Variants in TMEM132C observed in about 807,000 individuals in gnomAD.
The protein encoded by TMEM132C is transmembrane protein 132C, also known as protein phosphatase 1, regulatory subunit 152.
Under a neutral mutation model 61.4 loss-of-function variants are expected in TMEM132C, and 29 were observed. That is an observed-to-expected ratio of 0.47 (90% CI 0.35 to 0.64). The LOEUF (loss-of-function observed/expected upper bound fraction) is 0.64, where lower values mean the gene tolerates loss of function less well. Among genes scored for constraint, TMEM132C ranks in the 30% least tolerant of loss-of-function variants. The probability of loss-of-function intolerance (pLI) is 0.00; values close to 1 mark genes in which losing one functional copy is unlikely to be tolerated. For synonymous variants in TMEM132C, 656 were observed against 633.1 expected, an observed-to-expected ratio of 1.04 and a Z score of -0.54; for missense variants, 1,408 against 1,476.9, an observed-to-expected ratio of 0.95 and a Z score of 0.76.
intron 2 of TMEM132C, among the ~76,000 whole-genome samples, chr12:128,486,633 G>T (rs1385268252): frequency 1.3e-5 from 2 of 151,980 alleles, no homozygotes; most frequent in Non-Finnish European, 2.9e-5. Flanking sequence ...TTTTTCACTT[G>T]CCTTTTTATA....
At chr12:128,455,148 A>G (rs1870299422) in intron 2 of TMEM132C, among the ~76,000 whole-genome samples, 1 of 152,150 alleles carries the variant, frequency 6.6e-6, no homozygotes, top group Non-Finnish European at 1.5e-5. Flanking sequence ...AAAAATCTGA[A>G]TTTTTGGTAC....
chr12:128,372,398 G>A (rs1296802881), intron 1 of TMEM132C, among the ~76,000 whole-genome samples: 1 of 152,122 alleles, frequency 6.6e-6, no homozygotes, highest in Non-Finnish European at 1.5e-5. Context: ...ACCCTAGAGT[G>A]ACATGGACAG....
chr12:128,610,671 C>A (rs569521645), intron 3 of TMEM132C, among the ~76,000 whole-genome samples: 2 of 152,188 alleles, frequency 1.3e-5, no homozygotes, highest in African/African-American at 4.8e-5. Context: ...TTGGTCCCTT[C>A]AAGGCAAAGC....
intron 1 of TMEM132C, among the ~76,000 whole-genome samples, chr12:128,358,445 CA>C (rs2135969381): frequency 6.6e-6 from 1 of 151,126 alleles, no homozygotes; most frequent in East Asian, 2.0e-4. Context: ...ATAGCAGTAG[CA>C]AATACTATGA....
At chr12:128,304,617 G>T (rs1176718822) in intron 1 of TMEM132C, among the ~76,000 whole-genome samples, 1 of 100,362 alleles carries the variant, frequency 1.0e-5, no homozygotes, top group Non-Finnish European at 2.4e-5. Context: ...TCAAAAAAAA[G>T]AAAGAAAGAA....
intron 4 of TMEM132C, among the ~76,000 whole-genome samples, chr12:128,652,914 T>G (rs1290904263): frequency 6.6e-6 from 1 of 152,218 alleles, no homozygotes; most frequent in African/African-American, 2.4e-5. Flanking sequence ...CCTGTCATAA[T>G]GCACTCCTAG....
intron 1 of TMEM132C, among the ~76,000 whole-genome samples, chr12:128,330,696 C>T (rs1261740252): frequency 6.6e-6 from 1 of 152,170 alleles, no homozygotes; most frequent in African/African-American, 2.4e-5. Flanking sequence ...AAATCATCTT[C>T]TGGAATGCCT....
At chr12:128,298,664 C>A (rs1375671558) in intron 1 of TMEM132C, among the ~76,000 whole-genome samples, 1 of 152,212 alleles carries the variant, frequency 6.6e-6, no homozygotes, top group Non-Finnish European at 1.5e-5. Flanking sequence ...CTCCTGCTAC[C>A]TCTGTATCCT....
intron 2 of TMEM132C, among the ~76,000 whole-genome samples, chr12:128,467,016 G>C (rs1870758128): frequency 6.6e-6 from 1 of 152,162 alleles, no homozygotes; most frequent in Admixed American, 6.5e-5. Flanking sequence ...ACATGATAAG[G>C]AAGAGGGGCT....
intron 4 of TMEM132C, among the ~76,000 whole-genome samples, chr12:128,619,571 G>T (rs1369699428): frequency 6.6e-6 from 1 of 152,208 alleles, no homozygotes; most frequent in African/African-American, 2.4e-5. Flanking sequence ...TGTTGACAAT[G>T]AGCCTCTTGC....
chr12:128,384,779 A>G (rs990214967), intron 1 of TMEM132C, among the ~76,000 whole-genome samples: 1 of 152,206 alleles, frequency 6.6e-6, no homozygotes, highest in African/African-American at 2.4e-5. Context: ...TGGCTTAGTG[A>G]GGGGACTTTA....
intron 1 of TMEM132C, among the ~76,000 whole-genome samples, chr12:128,402,187 C>T (rs1875184128): frequency 6.6e-6 from 1 of 152,166 alleles, no homozygotes; most frequent in Admixed American, 6.5e-5. Flanking sequence ...CTGAAGCCTC[C>T]AGAAGGATCA....
At chr12:128,647,548 TGTGA>T (rs1223619795) in intron 4 of TMEM132C, among the ~76,000 whole-genome samples, 1 of 151,968 alleles carries the variant, frequency 6.6e-6, no homozygotes, top group Non-Finnish European at 1.5e-5. Context: ...CAGCGTTTGA[TGTGA>T]GTGTGTTTAC....
intron 2 of TMEM132C, among the ~76,000 whole-genome samples, chr12:128,435,865 G>C (rs561475986): frequency 1.3e-5 from 2 of 152,266 alleles, no homozygotes; most frequent in African/African-American, 4.8e-5. Context: ...AAAGAACAAA[G>C]CTGGAGGCAT....
chr12:128,496,482 G>C (rs1358595852), intron 2 of TMEM132C, among the ~76,000 whole-genome samples: 2 of 152,150 alleles, frequency 1.3e-5, no homozygotes, highest in East Asian at 3.9e-4. Flanking sequence ...ATCAGATGTA[G>C]ATTTGGTCTT....
intron 2 of TMEM132C, among the ~76,000 whole-genome samples, chr12:128,467,322 C>T (rs1870770690): frequency 1.3e-5 from 2 of 152,184 alleles, no homozygotes; most frequent in African/African-American, 4.8e-5. Context: ...TCCATCCCAG[C>T]ATGAAATTCA....
At chr12:128,309,627 C>T (rs1237582138) in intron 1 of TMEM132C, among the ~76,000 whole-genome samples, 3 of 151,610 alleles carry the variant, frequency 2.0e-5, no homozygotes, top group African/African-American at 7.3e-5. Context: ...AAATGGAATC[C>T]TACAATATGT....
intron 5 of TMEM132C, among the ~76,000 whole-genome samples, chr12:128,692,388 C>G (rs1391320863): frequency 1.3e-5 from 2 of 152,188 alleles, no homozygotes; most frequent in Non-Finnish European, 2.9e-5. Flanking sequence ...GTACTTTTTG[C>G]CTTCAAAGAT....
intron 4 of TMEM132C, among the ~76,000 whole-genome samples, chr12:128,645,834 T>C (rs1954192378): frequency 1.3e-5 from 2 of 152,076 alleles, no homozygotes; most frequent in South Asian, 4.1e-4. Flanking sequence ...CGGCTTTGGA[T>C]GTGAGTGTGT....
Sources: gnomAD v4.1 joint callset for allele counts (sites outside exome capture counted in the v4.1 genomes callset) on GRCh38, gnomAD v4.1.1 for gene constraint, MANE v1.5 for transcripts, NCBI Gene and HGNC (gene_info 2026-07-23, HGNC 2026-07-21) for gene names.